The following KCNQ1OT1 variants were observed in gnomAD, a reference collection of about 807,000 sequenced individuals.
KCNQ1OT1 encodes KCNQ1 opposite strand/antisense transcript 1.
At position 2,674,153 on chromosome 11, in the gene KCNQ1OT1, G is replaced by A. The variant is rs1213382405; in HGVS notation, n.25842C>T. 5.0e-6 allele frequency: 2 copies of A among 398,616 alleles called. No individual in the cohort carries two copies. Among genetic ancestry groups the A allele is most frequent in the African/African-American group, 2.1e-5 (1 of 48,626 alleles). The allele number at this position is 398,616 out of a possible 1,614,324, so 24.7% of individuals were successfully genotyped here. ...GGCCACCCAGTGTGGGCTCAGGAAGGGAAGGAATGTGACCAAGGCTGGGTG... is the reference window on the plus strand; with the variant it reads ...GGCCACCCAGTGTGGGCTCAGGAAGAGAAGGAATGTGACCAAGGCTGGGTG... On this transcript the variant is annotated non_coding_transcript_exon_variant, in exon 1 of 1. Coordinates refer to ENST00000597346, the Ensembl canonical transcript of KCNQ1OT1. This position sits in a 1 kb window ranked among gnomAD's most constrained non-coding sequence, Gnocchi z 5.9.
exon 1 of KCNQ1OT1, chr11:2,622,147 C>A (rs7939222): frequency 0.89 from 355,563 of 398,258 alleles, 158,970 homozygotes; most frequent in East Asian, 0.99. Context: ...ACTGAAAGTA[C>A]GTTATTGAAG....
At position 2,670,709 on chromosome 11, in the gene KCNQ1OT1, A is replaced by G. The variant is rs1055983223; in HGVS notation, n.29286T>C. 2.5e-6 allele frequency: 1 copy of G among 398,538 alleles called. No homozygotes were observed. The highest frequency in any genetic ancestry group is 4.4e-6 in the Non-Finnish European group (1 of 226,124). 24.7% of individuals were successfully genotyped at this position (398,538 alleles called of 1,614,324 possible). On this transcript the variant is annotated non_coding_transcript_exon_variant, in exon 1 of 1. Transcript: ENST00000597346. This position sits in a 1 kb window ranked among gnomAD's most constrained non-coding sequence, Gnocchi z 4.9. ...ACAAGACAAAGGGATTCTGTGGCCC[A>G]TGGAGCAGGAGGGAACAGTCTGCAG...
At chr11:2,667,194 C>T (rs576507553) in exon 1 of KCNQ1OT1, 9 of 398,700 alleles carry the variant, frequency 2.3e-5, no homozygotes, top group South Asian at 1.3e-4. Context: ...CCAGCTGTGG[C>T]GGCCCCCCGT....
In KCNQ1OT1 at chr11:2,676,249, G is replaced by T. The variant is rs1011414650; in HGVS notation, n.23746C>A. 4 of 398,516 alleles carry T rather than the reference G, an allele frequency of 1.0e-5. No individual in the cohort carries two copies. Among genetic ancestry groups the T allele is most frequent in the Non-Finnish European group, 1.8e-5 (4 of 226,074 alleles). The allele number at this position is 398,516 out of a possible 1,614,324, so 24.7% of individuals were successfully genotyped here. ...TGATTTATTATGGTGCAGTACATCT[G>T]AGAAGCATTTTTATTGCAAAATGTG... On this transcript the variant is annotated non_coding_transcript_exon_variant, in exon 1 of 1. Transcript: ENST00000597346. This position sits in a 1 kb window ranked among gnomAD's most constrained non-coding sequence, Gnocchi z 4.2.
exon 1 of KCNQ1OT1, chr11:2,684,149 A>G: frequency 2.5e-6 from 1 of 398,662 alleles, no homozygotes; most frequent in Non-Finnish European, 4.4e-6. Context: ...AGAATGGGGT[A>G]CACCAGAGGA....
exon 1 of KCNQ1OT1, chr11:2,656,155 C>G: frequency 2.5e-6 from 1 of 398,616 alleles, no homozygotes; most frequent in African/African-American, 2.1e-5. Flanking sequence ...ACAAGTGATG[C>G]AAACATCAAA....
exon 1 of KCNQ1OT1, chr11:2,681,124 C>A (rs944502098): frequency 1.0e-5 from 4 of 398,458 alleles, no homozygotes; most frequent in Non-Finnish European, 1.8e-5. Flanking sequence ...CCCAAAAAAG[C>A]ACCTATGAAA....
exon 1 of KCNQ1OT1, chr11:2,675,413 A>G: frequency 5.0e-6 from 2 of 398,674 alleles, no homozygotes; most frequent in Admixed American, 4.4e-5. Flanking sequence ...TAATTGAAAA[A>G]TATATTGTCA....
chr11:2,649,377 GT>G (rs1040215924), exon 1 of KCNQ1OT1: 4 of 398,018 alleles, frequency 1.0e-5, no homozygotes, highest in African/African-American at 2.1e-5. Context: ...TGCTCTACTA[GT>G]GTTTTATGCT....
chr11:2,629,357 T>G, exon 1 of KCNQ1OT1: 2 of 398,492 alleles, frequency 5.0e-6, no homozygotes, highest in Non-Finnish European at 8.9e-6. Flanking sequence ...TCTCTATTTT[T>G]TATTTTATCT....
exon 1 of KCNQ1OT1, chr11:2,667,461 A>C (rs1051865476): frequency 2.5e-6 from 1 of 398,584 alleles, no homozygotes; most frequent in East Asian, 3.6e-5. Flanking sequence ...AGCCAAGCAG[A>C]TGGTGTTGGA....
chr11:2,696,143 T>C (rs549024876), exon 1 of KCNQ1OT1: 9 of 398,640 alleles, frequency 2.3e-5, no homozygotes, highest in Non-Finnish European at 4.4e-6. Flanking sequence ...TACATTTTAG[T>C]CTTGAGGTTT....
chr11:2,672,624 G>C (rs1467777597), exon 1 of KCNQ1OT1: 1 of 398,604 alleles, frequency 2.5e-6, no homozygotes, highest in African/African-American at 2.1e-5. Flanking sequence ...GTGATGGAAG[G>C]ACTCTGGGTA....
In KCNQ1OT1 at chr11:2,626,961, C is replaced by T. The variant is rs1849271586; in HGVS notation, n.73034G>A. 1 of 398,484 alleles carries T rather than the reference C, an allele frequency of 2.5e-6. No individual in the cohort carries two copies. The highest frequency in any genetic ancestry group is 2.1e-5 in the African/African-American group (1 of 48,624). 24.7% of individuals were successfully genotyped at this position (398,484 alleles called of 1,614,324 possible). A position where few individuals can be genotyped will look rare whatever the true frequency, so the allele number is the denominator to read the frequency against. ...TGGGGTTTCTTCTTTCTGCAAATAA[C>T]ATCATTAGGATTTTTATTGGGATTA... On this transcript the variant is annotated non_coding_transcript_exon_variant, in exon 1 of 1. Transcript: ENST00000597346. The surrounding 1 kb of genome is among the most constrained non-coding windows in gnomAD (Gnocchi z 4.0).
At chr11:2,675,787 C>T (rs969842360) in exon 1 of KCNQ1OT1, 5 of 398,570 alleles carry the variant, frequency 1.3e-5, no homozygotes, top group African/African-American at 4.1e-5. Flanking sequence ...AGCTGCTGCC[C>T]GCAGGGCATA....
At chr11:2,686,992 G>T in exon 1 of KCNQ1OT1, 1 of 398,646 alleles carries the variant, frequency 2.5e-6, no homozygotes, top group South Asian at 1.3e-4. Context: ...ACTGGGCCCT[G>T]ACTTGCTAAG....
chr11:2,626,452 C>G lies in KCNQ1OT1; in HGVS notation n.73543G>C, dbSNP rs1564837612. On this transcript the variant is annotated non_coding_transcript_exon_variant, in exon 1 of 1. Transcript: ENST00000597346. The surrounding 1 kb of genome is among the most constrained non-coding windows in gnomAD (Gnocchi z 4.0). ...GTATACAAGGGTTTATTTTTGGGCT[C>G]TCTATTCAATTCCATTGGTCTCTAC... The G allele has an allele frequency of 5.0e-6, 2 of 398,510 alleles. No homozygotes were observed. Among genetic ancestry groups the G allele is most frequent in the African/African-American group, 4.1e-5 (2 of 48,632 alleles). The allele number at this position is 398,510 out of a possible 1,614,324, so 24.7% of individuals were successfully genotyped here.
rs949957544 is a variant in KCNQ1OT1, at chr11:2,683,587, A to G, written n.16408T>C. ...GACTGGCATCACAAACACTGCCCTG[A>G]AATGCCAACTCATTTCAAATACTGC... On this transcript the variant is annotated non_coding_transcript_exon_variant, in exon 1 of 1. Coordinates refer to ENST00000597346, the Ensembl canonical transcript of KCNQ1OT1. The surrounding 1 kb of genome is among the most constrained non-coding windows in gnomAD (Gnocchi z 4.7). 7.0e-5 allele frequency: 28 copies of G among 398,542 alleles called. No homozygotes were observed. The highest frequency in any genetic ancestry group is 8.8e-5 in the Non-Finnish European group (20 of 226,082). The allele number at this position is 398,542 out of a possible 1,614,324, so 24.7% of individuals were successfully genotyped here. A position where few individuals can be genotyped will look rare whatever the true frequency, so the allele number is the denominator to read the frequency against.
rs75083882 is a variant in KCNQ1OT1, at chr11:2,621,729, T to C, written n.78266A>G. The C allele has an allele frequency of 5.4e-4, 214 of 398,454 alleles. No individual in the cohort carries two copies. In the East Asian group the frequency reaches 7.5e-3, roughly 14 times the overall value. The allele number at this position is 398,454 out of a possible 1,614,324, so 24.7% of individuals were successfully genotyped here. The stretch of plus-strand genomic sequence containing the variant: ...TATTTCTGAAGTACCTGTTGTAATA[T>C]ATTCTCCATTTTCATTTCTGATTTT... On this transcript the variant is annotated non_coding_transcript_exon_variant, in exon 1 of 1. Coordinates refer to ENST00000597346, the Ensembl canonical transcript of KCNQ1OT1. The surrounding 1 kb of genome is among the most constrained non-coding windows in gnomAD (Gnocchi z 5.7).
Sources: gnomAD v4.1 joint callset for allele counts on GRCh38, gnomAD v4.1.1 for gene constraint, Gnocchi (gnomAD v3.1) non-coding constraint, MANE v1.5 for transcripts, NCBI Gene and HGNC (gene_info 2026-07-23, HGNC 2026-07-21) for gene names.